FHIT: variants seen among roughly 807,000 people sequenced by gnomAD.
FHIT encodes the protein bis(5'-adenosyl)-triphosphatase.
In FHIT, 19 loss-of-function variants were observed where a neutral mutation model predicts 17.9. The observed-to-expected ratio is 1.06, with a 90% CI of 0.74 to 1.56. FHIT has a LOEUF of 1.56. Ranked by LOEUF, FHIT falls within the 40% of genes most tolerant of loss-of-function variation. FHIT has a pLI of 0.00. For synonymous variants in FHIT, 81 were observed against 69.7 expected, an observed-to-expected ratio of 1.16 and a Z score of -0.81; for missense variants, 248 against 189.2, an observed-to-expected ratio of 1.31 and a Z score of -1.82.
rs562993360 is a variant in FHIT at position 60,267,823 on chromosome 3, CTATT to C, written c.104-253675_104-253672del. 6.0e-4 allele frequency among the ~76,000 whole-genome samples: 92 copies of C among 152,236 alleles called. 2 individuals carry two copies. Among genetic ancestry groups the C allele is most frequent in the African/African-American group, 2.2e-3 (91 of 41,556 alleles). ...GATCACCACGTACATGAATACAAAA[CTATT>C]TATTGAAGATGTGTGATATTCAGCC... On this transcript the variant is annotated intron_variant, in intron 5 of 9. Transcript: ENST00000492590.
At chr3:60,476,763 C>T (rs367937476) in intron 5 of FHIT, among the ~76,000 whole-genome samples, 6 of 151,882 alleles carry the variant, frequency 4.0e-5, no homozygotes, top group African/African-American at 1.5e-4. Context: ...AGGCGCAGAA[C>T]GGGAATGTGA....
At chr3:60,031,418 T>G (rs571496864) in intron 5 of FHIT, among the ~76,000 whole-genome samples, 133 of 152,322 alleles carry the variant, frequency 8.7e-4, no homozygotes, top group Admixed American at 1.5e-3. Flanking sequence ...AAGATGCAGG[T>G]GAACCAACTA....
chr3:59,947,334 G>T (rs1706861254), intron 7 of FHIT, among the ~76,000 whole-genome samples: 1 of 151,996 alleles, frequency 6.6e-6, no homozygotes, highest in African/African-American at 2.4e-5. Flanking sequence ...GAGTTTTTTG[G>T]TATTTCTGGG....
chr3:61,076,243 G>A (rs2034967613), intron 2 of FHIT, among the ~76,000 whole-genome samples: 1 of 152,184 alleles, frequency 6.6e-6, no homozygotes, highest in South Asian at 2.1e-4. Flanking sequence ...AAACCCTTTT[G>A]AATTTGCAAA....
intron 5 of FHIT, among the ~76,000 whole-genome samples, chr3:60,520,948 C>T (rs1261312104): frequency 2.6e-5 from 4 of 151,866 alleles, no homozygotes; most frequent in Non-Finnish European, 5.9e-5. Context: ...TTTTTACTAC[C>T]ATGCCTCATA....
chr3:60,712,907 C>G (rs1229217038), intron 4 of FHIT, among the ~76,000 whole-genome samples: 1 of 144,070 alleles, frequency 6.9e-6, no homozygotes, highest in East Asian at 2.1e-4. Flanking sequence ...GAATTGAACT[C>G]AGCTCTGCAG....
At chr3:61,033,015 C>T (rs182448866) in intron 3 of FHIT, among the ~76,000 whole-genome samples, 15 of 152,218 alleles carry the variant, frequency 9.9e-5, no homozygotes, top group African/African-American at 2.7e-4. Flanking sequence ...CAAACAGAGA[C>T]AGTGAATTTG....
chr3:59,922,298 C>T (rs568510801), intron 8 of FHIT, 48 bp downstream of exon 8: 1 of 1,442,230 alleles, frequency 6.9e-7, no homozygotes, highest in Non-Finnish European at 9.8e-7. Flanking sequence ...TGTCATCCCA[C>T]CGACAGTCCC....
At chr3:59,994,345 G>T (rs1161040637) in intron 7 of FHIT, among the ~76,000 whole-genome samples, 1 of 152,042 alleles carries the variant, frequency 6.6e-6, no homozygotes, top group Admixed American at 6.6e-5. Context: ...ACCTCTGTCA[G>T]CAATACTCAA....
chr3:59,828,091 T>C (rs1020476504), intron 8 of FHIT, among the ~76,000 whole-genome samples: 1 of 152,238 alleles, frequency 6.6e-6, no homozygotes, highest in African/African-American at 2.4e-5. Flanking sequence ...TATGGAATAA[T>C]ACAAATGTTC....
chr3:60,278,430 A>C (rs1707273489), intron 5 of FHIT, among the ~76,000 whole-genome samples: 1 of 152,182 alleles, frequency 6.6e-6, no homozygotes, highest in Non-Finnish European at 1.5e-5. Flanking sequence ...GGCTCAGAAC[A>C]TTTCAGAAGA....
intron 3 of FHIT, among the ~76,000 whole-genome samples, chr3:61,021,824 T>C (rs1437744896): frequency 6.6e-6 from 1 of 152,172 alleles, no homozygotes; most frequent in South Asian, 2.1e-4. Flanking sequence ...TGTACCAGAA[T>C]CTCTGGGACA....
chr3:60,372,254 T>C (rs990968588), intron 5 of FHIT, among the ~76,000 whole-genome samples: 8 of 152,278 alleles, frequency 5.3e-5, no homozygotes, highest in Non-Finnish European at 1.2e-4. Context: ...TGAAGAGACG[T>C]ATTCATCTTT....
At chr3:60,972,887 T>G (rs1310513567) in intron 3 of FHIT, among the ~76,000 whole-genome samples, 2 of 152,206 alleles carry the variant, frequency 1.3e-5, no homozygotes, top group African/African-American at 4.8e-5. Flanking sequence ...TTACTGTAAT[T>G]TTAACTTTCA....
chr3:61,064,933 A>G (rs1446265528), intron 2 of FHIT, among the ~76,000 whole-genome samples: 1 of 152,198 alleles, frequency 6.6e-6, no homozygotes, highest in Non-Finnish European at 1.5e-5. Context: ...TGGGCTATCC[A>G]ACATCCCAAG....
intron 5 of FHIT, among the ~76,000 whole-genome samples, chr3:60,046,420 G>A (rs1024179067): frequency 2.0e-5 from 3 of 152,308 alleles, no homozygotes; most frequent in African/African-American, 4.8e-5. Context: ...GGCTGCCATC[G>A]GTGTTTACAA....
rs942006933 is a variant in FHIT, at chr3:60,480,601, T to C, written c.103+56259A>G. Reference sequence around the variant, plus strand: ...ATGTTCCCATTACAAATGAGAGAAATTGGCCAAAACTAAGGGGACACAGGT... The same window carrying C: ...ATGTTCCCATTACAAATGAGAGAAACTGGCCAAAACTAAGGGGACACAGGT... On this transcript the variant is annotated intron_variant, in intron 5 of 9. Coordinates refer to ENST00000492590, the MANE Select transcript of FHIT (RefSeq NM_002012.4). Among the ~76,000 whole-genome samples, 5 of 151,988 alleles carry C rather than the reference T, an allele frequency of 3.3e-5. No homozygotes were observed. The South Asian group carries it at 1.0e-3, about 32-fold the overall frequency.
intron 3 of FHIT, among the ~76,000 whole-genome samples, chr3:60,898,122 G>T (rs987539815): frequency 6.6e-6 from 1 of 151,960 alleles, no homozygotes; most frequent in Admixed American, 6.6e-5. Flanking sequence ...AAAACCCTCT[G>T]TTCTCTACTA....
chr3:60,689,462 A>T (rs1249815683), intron 4 of FHIT, among the ~76,000 whole-genome samples: 2 of 152,200 alleles, frequency 1.3e-5, no homozygotes, highest in African/African-American at 4.8e-5. Flanking sequence ...AGTAGTCTGT[A>T]GGTTACATGC....
Sources: gnomAD v4.1 joint callset for allele counts (sites outside exome capture counted in the v4.1 genomes callset) on GRCh38, gnomAD v4.1.1 for gene constraint, MANE v1.5 for transcripts, NCBI Gene and HGNC (gene_info 2026-07-23, HGNC 2026-07-21) for gene names.